OR4D1: variants seen among roughly 807,000 people sequenced by gnomAD.
OR4D1 encodes olfactory receptor family 4 subfamily D member 1.
In OR4D1, 10 loss-of-function variants were observed where a neutral mutation model predicts 14.2. The observed-to-expected ratio is 0.71, with a 90% CI of 0.44 to 1.20. OR4D1 has a LOEUF of 1.20. Among genes scored for constraint, OR4D1 ranks in the 50% most tolerant of loss-of-function variants. OR4D1 has a pLI of 0.00. For synonymous variants in OR4D1, 141 were observed against 147.4 expected, an observed-to-expected ratio of 0.96 and a Z score of 0.32; for missense variants, 345 against 376.6, an observed-to-expected ratio of 0.92 and a Z score of 0.70.
Position 58,157,827 on chromosome 17 carries a change from CA to C in OR4D1, c.*1742del. On this transcript the variant is annotated 3_prime_UTR_variant, in exon 4 of 4. Coordinates refer to ENST00000268912, the MANE Select transcript of OR4D1 (RefSeq NM_001386095.1). ...TAAGGAAGACCAGATCAATAGACTCCATGATGGATGTTTGTTTCAAAGGGTT... is the reference window on the plus strand; with the variant it reads ...TAAGGAAGACCAGATCAATAGACTCCTGATGGATGTTTGTTTCAAAGGGTT... 6.3e-7 allele frequency: 1 copy of C among 1,590,168 alleles called. No homozygotes were observed. The highest frequency in any genetic ancestry group is 8.6e-7 in the Non-Finnish European group (1 of 1,168,292).
Position 58,155,481 on chromosome 17 carries a change from G to A in OR4D1, c.328G>A (p.Gly110Arg). The change falls in exon 4 of 4, where the codon GGG becomes AGG. Residue 110 changes from glycine to arginine, a missense_variant. Physicochemically the swap from Gly to Arg is moderately radical, Grantham distance 125. Coordinates refer to ENST00000268912, the MANE Select transcript of OR4D1 (RefSeq NM_001386095.1). ...CTTCTTCTTCCACCTTTTGGGAGGT[G>A]GGACTGTCTTTTTTCTCTCAGTCAT... The part of the protein sequence containing the change: ...QIFFFHLLGG[G>R]TVFFLSVMAY... The A allele has an allele frequency of 6.2e-7, 1 of 1,614,166 alleles. No homozygotes were observed. The highest frequency in any genetic ancestry group is 8.5e-7 in the Non-Finnish European group (1 of 1,180,028).
intron 3 of OR4D1, among the ~76,000 whole-genome samples, chr17:58,154,209 C>T (rs866736679): frequency 1.3e-5 from 2 of 151,186 alleles, no homozygotes; most frequent in Non-Finnish European, 2.9e-5. Context: ...ATCCTCTTGC[C>T]TTGGCTTCCC....
In OR4D1 at chr17:58,157,079, G is replaced by A. The variant is rs1159598239; in HGVS notation, c.*993G>A. ...CGGTGGCGGTCGGGCCAGGTCCGGG[G>A]CCTGGGGACGCCGAGGCGGCCGCGG... On this transcript the variant is annotated 3_prime_UTR_variant, in exon 4 of 4. Transcript: ENST00000268912. 4.1e-6 allele frequency: 6 copies of A among 1,446,888 alleles called. No homozygotes were observed. In the Admixed American group the frequency reaches 8.9e-5, roughly 22 times the overall value. The allele number at this position is 1,446,888 out of a possible 1,614,324, so 89.6% of individuals were successfully genotyped here. A position where few individuals can be genotyped will look rare whatever the true frequency, so the allele number is the denominator to read the frequency against.
rs755948834 is a variant in OR4D1 at position 58,156,113 on chromosome 17, C to T, written c.*27C>T. On this transcript the variant is annotated 3_prime_UTR_variant, in exon 4 of 4. Coordinates refer to ENST00000268912, the MANE Select transcript of OR4D1 (RefSeq NM_001386095.1). ...CTTTAAGTAAGTTGACTTTAAATGA[C>T]AAATTTCTCTGGATTTTTATTTTCC... The T allele has an allele frequency of 9.2e-6, 13 of 1,410,818 alleles. No individual in the cohort carries two copies. Among genetic ancestry groups the T allele is most frequent in the East Asian group, 2.3e-5 (1 of 42,996 alleles). 87.4% of individuals were successfully genotyped at this position (1,410,818 alleles called of 1,614,324 possible).
Position 58,155,685 on chromosome 17 carries a change from T to A in OR4D1, c.532T>A (p.Tyr178Asn). The change falls in exon 4 of 4, where the codon TAC (tyrosine) becomes AAC (asparagine). Residue 178 changes from tyrosine (Y) to asparagine (N), a missense_variant. Physicochemically the swap from Tyr to Asn is moderately radical, Grantham distance 143. Transcript: ENST00000268912. Reference protein sequence around the residue: ...FCGPNILDNFYCDVPQVLRLA... With the variant: ...FCGPNILDNFNCDVPQVLRLA... The stretch of plus-strand genomic sequence containing the variant: ...TGGCCCCAATATCCTAGATAACTTC[T>A]ACTGTGATGTTCCCCAAGTACTGAG... 1 of 1,614,170 alleles carries A rather than the reference T, an allele frequency of 6.2e-7. No homozygotes were observed. The highest frequency in any genetic ancestry group is 8.5e-7 in the Non-Finnish European group (1 of 1,180,022).
chr17:58,148,500 T>C lies in OR4D1; in HGVS notation c.-579T>C, dbSNP rs1296821086. On this transcript the variant is annotated 5_prime_UTR_variant, in exon 1 of 4. The change abolishes the stop of an existing upstream ORF in the 5' untranslated region. Transcript: ENST00000268912. ...GAGTGACCTGGGAGATGGGAGGCTC[T>C]AAGTCCTCTTGGCCACTGTGGGCTG... is the stretch of plus-strand genomic sequence containing the variant. 6 of 152,412 alleles carry C rather than the reference T, an allele frequency of 3.9e-5. No individual in the cohort carries two copies. The South Asian group carries it at 1.0e-3, about 26-fold the overall frequency. 9.4% of individuals were successfully genotyped at this position (152,412 alleles called of 1,614,324 possible).
At position 58,157,887 on chromosome 17, in the gene OR4D1, A is replaced by G. The variant is rs1967798834; in HGVS notation, c.*1801A>G. 7.4e-7 allele frequency: 1 copy of G among 1,344,428 alleles called. No individual in the cohort carries two copies. The highest frequency in any genetic ancestry group is 2.3e-5 in the East Asian group (1 of 43,436). 83.3% of individuals were successfully genotyped at this position (1,344,428 alleles called of 1,614,324 possible). On this transcript the variant is annotated 3_prime_UTR_variant, in exon 4 of 4. Coordinates refer to ENST00000268912, the MANE Select transcript of OR4D1 (RefSeq NM_001386095.1). ...CTCTCCAAGAAGGCAGGACCAGCCA[A>G]TACTCCTGTTCTGCAAACCCTGAGT...
chr17:58,154,991 C>T, intron 3 of OR4D1, 144 bp from the exon 4 acceptor site: 1 of 618,492 alleles, frequency 1.6e-6, no homozygotes, highest in Non-Finnish European at 2.8e-6. Flanking sequence ...ATGGAACTTC[C>T]TCCCCGTGGA....
rs567266879 is a variant in OR4D1, at chr17:58,156,744, A to C, written c.*658A>C. The C allele has an allele frequency of 5.6e-5, 10 of 177,770 alleles. No individual in the cohort carries two copies. Among genetic ancestry groups the C allele is most frequent in the Non-Finnish European group, 1.2e-4 (10 of 84,706 alleles). The allele number at this position is 177,770 out of a possible 1,614,324, so 11.0% of individuals were successfully genotyped here. A position where few individuals can be genotyped will look rare whatever the true frequency, so the allele number is the denominator to read the frequency against. ...CCAAGTTTAGAGGCAAGAAATAGGA[A>C]TGGGATTTGAAACTCAAGAGTTTCC... On this transcript the variant is annotated 3_prime_UTR_variant, in exon 4 of 4. Coordinates refer to ENST00000268912, the MANE Select transcript of OR4D1 (RefSeq NM_001386095.1).
At chr17:58,152,857 A>G (rs1419848718) in intron 2 of OR4D1, among the ~76,000 whole-genome samples, 6 of 152,184 alleles carry the variant, frequency 3.9e-5, no homozygotes, top group Middle Eastern at 3.4e-3. Context: ...ATTGCTTGAG[A>G]CTGGCTCCTG....
chr17:58,153,302 A>C (rs1489478101), intron 2 of OR4D1, among the ~76,000 whole-genome samples: 2 of 152,112 alleles, frequency 1.3e-5, no homozygotes, highest in East Asian at 1.9e-4. Flanking sequence ...TTACCACATC[A>C]TTTCCTGCTG....
chr17:58,148,431 C>T lies in OR4D1; in HGVS notation c.-648C>T, dbSNP rs1967660262. 1 of 152,314 alleles carries T rather than the reference C, an allele frequency of 6.6e-6. No individual in the cohort carries two copies. The highest frequency in any genetic ancestry group is 6.5e-5 in the Admixed American group (1 of 15,282). 9.4% of individuals were successfully genotyped at this position (152,314 alleles called of 1,614,324 possible). A position where few individuals can be genotyped will look rare whatever the true frequency, so the allele number is the denominator to read the frequency against. On this transcript the variant is annotated 5_prime_UTR_variant, in exon 1 of 4. Transcript: ENST00000268912. ...CCTTAAGGCCAATCCCATATGTGTT[C>T]CTTGTCTGAGAGAGGCCAGGAGAAG...
At position 58,155,523 on chromosome 17, in the gene OR4D1, A is replaced by T; in HGVS notation, c.370A>T (p.Ile124Leu). Residue 124 changes from isoleucine (I) to leucine (L), a missense_variant, in exon 4 of 4, where the codon ATA becomes TTA. Transcript: ENST00000268912. ...FLSVMAYDRY[I>L]AISQPLRYVT... is the part of the protein sequence containing the mutation. ...CTCAGTCATGGCCTATGACCGCTAC[A>T]TAGCCATCTCCCAGCCCCTCCGGTA... is the stretch of plus-strand genomic sequence containing the variant. 2 of 1,614,164 alleles carry T rather than the reference A, an allele frequency of 1.2e-6. No homozygotes were observed. The highest frequency in any genetic ancestry group is 1.7e-6 in the Non-Finnish European group (2 of 1,180,022).
At position 58,148,467 on chromosome 17, in the gene OR4D1, CAGG is replaced by C. The variant is rs928894761; in HGVS notation, c.-609_-607del. The C allele has an allele frequency of 3.3e-5, 5 of 152,380 alleles. No homozygotes were observed. The highest frequency in any genetic ancestry group is 7.3e-5 in the Non-Finnish European group (5 of 68,204). 9.4% of individuals were successfully genotyped at this position (152,380 alleles called of 1,614,324 possible). On this transcript the variant is annotated 5_prime_UTR_variant, in exon 1 of 4. Coordinates refer to ENST00000268912, the MANE Select transcript of OR4D1 (RefSeq NM_001386095.1). ...AGAGGCCAGGAGAAGAATGGAGCTA[CAGG>C]AGAAGAGTGACCTGGGAGATGGGAG...
Position 58,155,141 on chromosome 17 carries a change from G to T in OR4D1, c.-13G>T, listed in dbSNP as rs1225833429. 1 of 1,582,598 alleles carries T rather than the reference G, an allele frequency of 6.3e-7. No individual in the cohort carries two copies. The highest frequency in any genetic ancestry group is 8.6e-7 in the Non-Finnish European group (1 of 1,158,742). On this transcript the variant is annotated 5_prime_UTR_variant, in exon 4 of 4. Coordinates refer to ENST00000268912, the MANE Select transcript of OR4D1 (RefSeq NM_001386095.1). ...TTCAATGGTTTCTCTGTAGGAACGT[G>T]GGGGAAGATCCTATGGAACCACAGA...
intron 2 of OR4D1, among the ~76,000 whole-genome samples, chr17:58,151,104 T>C (rs1967697654): frequency 6.6e-6 from 1 of 152,202 alleles, no homozygotes; most frequent in South Asian, 2.1e-4. Flanking sequence ...TCCATGTCCA[T>C]TTTTTCCCTT....
At position 58,157,467 on chromosome 17, in the gene OR4D1, C is replaced by A; in HGVS notation, c.*1381C>A. On this transcript the variant is annotated 3_prime_UTR_variant, in exon 4 of 4. Transcript: ENST00000268912. Reference sequence around the variant, plus strand: ...GCCTTTACCACGTCCCAGCTCCTCGCTCTGGAGGGCAAGTTGCTCCAGAAA... The same window carrying A: ...GCCTTTACCACGTCCCAGCTCCTCGATCTGGAGGGCAAGTTGCTCCAGAAA... 8.9e-7 allele frequency: 1 copy of A among 1,117,736 alleles called. No homozygotes were observed. 69.2% of individuals were successfully genotyped at this position (1,117,736 alleles called of 1,614,324 possible).
chr17:58,157,860 C>T lies in OR4D1; in HGVS notation c.*1774C>T, dbSNP rs1967797988. 2 of 1,522,866 alleles carry T rather than the reference C, an allele frequency of 1.3e-6. No individual in the cohort carries two copies. The highest frequency in any genetic ancestry group is 2.3e-5 in the East Asian group (1 of 44,440). 94.3% of individuals were successfully genotyped at this position (1,522,866 alleles called of 1,614,324 possible). On this transcript the variant is annotated 3_prime_UTR_variant, in exon 4 of 4. Coordinates refer to ENST00000268912, the MANE Select transcript of OR4D1 (RefSeq NM_001386095.1). ...ATGTTTGTTTCAAAGGGTTTCCTCT[C>T]CCTCTCCAAGAAGGCAGGACCAGCC...
Position 58,158,590 on chromosome 17 carries a change from A to G in OR4D1, c.*2504A>G, listed in dbSNP as rs574983264. 6.6e-6 allele frequency: 1 copy of G among 152,068 alleles called. No homozygotes were observed. The highest frequency in any genetic ancestry group is 6.5e-5 in the Admixed American group (1 of 15,268). The allele number at this position is 152,068 out of a possible 1,614,324, so 9.4% of individuals were successfully genotyped here. ...TTAGAAATACTTCCTAATTCTTCTC[A>G]AGGCTGTTGCTTTACTTCATTTCAG... is the stretch of plus-strand genomic sequence containing the variant. On this transcript the variant is annotated 3_prime_UTR_variant, in exon 4 of 4. Coordinates refer to ENST00000268912, the MANE Select transcript of OR4D1 (RefSeq NM_001386095.1).
Sources: allele counts gnomAD v4.1 joint callset (sites outside exome capture counted in the v4.1 genomes callset), GRCh38; gene constraint gnomAD v4.1.1; transcripts MANE v1.5; gene names NCBI Gene and HGNC (gene_info 2026-07-23, HGNC 2026-07-21).